The following NXPE2 variants were observed in gnomAD, a reference collection of about 807,000 sequenced individuals.
NXPE2 encodes NXPE family member 2.
Under a neutral mutation model 34.4 loss-of-function variants are expected in NXPE2, and 34 were observed. The observed-to-expected ratio is 0.99, with a 90% confidence interval of 0.75 to 1.31. The LOEUF is 1.31. NXPE2 is among the 40% of genes most tolerant of loss of function. NXPE2 has a pLI of 0.00. For synonymous variants in NXPE2, 235 were observed against 231.3 expected (o/e 1.02, Z -0.15); for missense variants, 649 against 672.5 (o/e 0.97, Z 0.39).
At chr11:114,668,108 T>C in the NXPE2 span, among the ~76,000 whole-genome samples, 2 of 151,928 alleles carry the variant, frequency 1.3e-5, no homozygotes, top group Non-Finnish European at 2.9e-5. Context: ...GAATACCTCT[T>C]GATAGATGGA....
chr11:114,511,135 T>A, the NXPE2 span, among the ~76,000 whole-genome samples: 1 of 152,120 alleles, frequency 6.6e-6, no homozygotes, highest in Non-Finnish European at 1.5e-5. Flanking sequence ...CTACTAACAA[T>A]GTAGGGTGGC....
chr11:114,720,146 T>A, the NXPE2 span, among the ~76,000 whole-genome samples: 10 of 152,198 alleles, frequency 6.6e-5, no homozygotes, highest in African/African-American at 2.4e-4. Flanking sequence ...TTCTGTAGTG[T>A]TCTGTTTTTA....
chr11:114,562,644 C>A, the NXPE2 span, among the ~76,000 whole-genome samples: 1 of 152,182 alleles, frequency 6.6e-6, no homozygotes, highest in Non-Finnish European at 1.5e-5. Context: ...TTATTACTAT[C>A]CAGAGTCAAG....
chr11:114,642,019 G>A, the NXPE2 span, among the ~76,000 whole-genome samples: 1 of 152,102 alleles, frequency 6.6e-6, no homozygotes, highest in African/African-American at 2.4e-5. Flanking sequence ...AAATAAAAAA[G>A]TAATTATTCT....
chr11:114,699,970 C>A (rs1425652340), intron 3 of NXPE2, among the ~76,000 whole-genome samples: 1 of 151,748 alleles, frequency 6.6e-6, no homozygotes, highest in African/African-American at 2.4e-5. Context: ...ATTTTTGTAT[C>A]TTTAGTAGAG....
the NXPE2 span, among the ~76,000 whole-genome samples, chr11:114,795,894 G>A: frequency 6.6e-6 from 1 of 152,212 alleles, no homozygotes; most frequent in African/African-American, 2.4e-5. Context: ...GGTTCACCGT[G>A]GGTAGAGGAG....
chr11:114,532,573 A>G, the NXPE2 span, among the ~76,000 whole-genome samples: 2 of 152,276 alleles, frequency 1.3e-5, no homozygotes, highest in East Asian at 1.9e-4. Flanking sequence ...CCTAACTTAT[A>G]TAACAAGGAA....
At chr11:114,549,933 G>A in the NXPE2 span, among the ~76,000 whole-genome samples, 1 of 148,122 alleles carries the variant, frequency 6.8e-6, no homozygotes, top group Non-Finnish European at 1.5e-5. Flanking sequence ...ACAAAAAATA[G>A]AGAGAAGCTA....
the NXPE2 span, among the ~76,000 whole-genome samples, chr11:114,717,630 C>A: frequency 6.6e-6 from 1 of 152,174 alleles, no homozygotes; most frequent in Non-Finnish European, 1.5e-5. Flanking sequence ...TAAGATAATG[C>A]CACACATCTT....
chr11:114,753,611 T>C, the NXPE2 span, among the ~76,000 whole-genome samples: 1 of 152,192 alleles, frequency 6.6e-6, no homozygotes, highest in Non-Finnish European at 1.5e-5. Context: ...TTTTAGAAAT[T>C]GTCTATTTGA....
the NXPE2 span, among the ~76,000 whole-genome samples, chr11:114,646,061 G>T: frequency 2.6e-5 from 4 of 152,114 alleles, no homozygotes; most frequent in African/African-American, 9.6e-5. Flanking sequence ...GATATGATCT[G>T]CAAATAATGA....
chr11:114,571,483 A>C, the NXPE2 span: 3 of 1,578,442 alleles, frequency 1.9e-6, no homozygotes, highest in Non-Finnish European at 2.6e-6. Flanking sequence ...GCTGATAACA[A>C]ATAGGCAATC....
intron 5 of NXPE2, 123 bp downstream of exon 5, chr11:114,706,119 A>ATTT: frequency 4.3e-6 from 2 of 460,908 alleles, no homozygotes; most frequent in African/African-American, 2.0e-5. Flanking sequence ...ATTTTATTTT[A>ATTT]AATTTGCCTA....
chr11:114,716,710 A>G, the NXPE2 span, among the ~76,000 whole-genome samples: 1 of 152,182 alleles, frequency 6.6e-6, no homozygotes, highest in African/African-American at 2.4e-5. Flanking sequence ...AGCCAAATAA[A>G]AGCTCTGTGA....
At chr11:114,476,890 G>C in the NXPE2 span, among the ~76,000 whole-genome samples, 1 of 152,172 alleles carries the variant, frequency 6.6e-6, no homozygotes, top group African/African-American at 2.4e-5. Context: ...GGTTGTGGAA[G>C]AGGTAATTGC....
chr11:114,466,883 G>A, the NXPE2 span, among the ~76,000 whole-genome samples: 3 of 152,196 alleles, frequency 2.0e-5, no homozygotes, highest in African/African-American at 7.2e-5. Context: ...TGGCAGTGAT[G>A]ATGTGGCCCC....
chr11:114,784,827 C>T, the NXPE2 span, among the ~76,000 whole-genome samples: 5 of 152,102 alleles, frequency 3.3e-5, no homozygotes, highest in African/African-American at 7.2e-5. Context: ...TAAAAAGTTT[C>T]CAAAAGCTTA....
At chr11:114,621,686 T>C in the NXPE2 span, among the ~76,000 whole-genome samples, 4 of 152,276 alleles carry the variant, frequency 2.6e-5, no homozygotes, top group African/African-American at 9.6e-5. Flanking sequence ...TGATGCCTCA[T>C]TGGTAACCAC....
At chr11:114,679,231 A>G (rs1289726338) in intron 1 of NXPE2, among the ~76,000 whole-genome samples, 1 of 110,146 alleles carries the variant, frequency 9.1e-6, no homozygotes, top group African/African-American at 3.2e-5. Context: ...AGAGGGTACC[A>G]GACAACATGT....
Sources: gnomAD v4.1 joint callset for allele counts (sites outside exome capture counted in the v4.1 genomes callset) on GRCh38, gnomAD v4.1.1 for gene constraint, MANE v1.5 for transcripts, NCBI Gene and HGNC (gene_info 2026-07-23, HGNC 2026-07-21) for gene names.